Variants in TTC7B observed in about 807,000 individuals in gnomAD.
TTC7B encodes the protein tetratricopeptide repeat protein 7B.
Under a neutral mutation model 106.8 loss-of-function variants are expected in TTC7B, and 28 were observed. That is an observed-to-expected ratio of 0.26 (90% CI 0.19 to 0.36). The LOEUF (loss-of-function observed/expected upper bound fraction) is 0.36. Among genes scored for constraint, TTC7B ranks in the 10% least tolerant of loss-of-function variants. The probability of loss-of-function intolerance (pLI) is 1.00; values close to 1 mark genes in which losing one functional copy is unlikely to be tolerated. For synonymous variants in TTC7B, 405 were observed against 430.6 expected (o/e 0.94, Z 0.74); for missense variants, 862 against 1,076.4 (o/e 0.80, Z 2.79).
At chr14:90,780,147 T>C (rs1163053791) in intron 3 of TTC7B, among the ~76,000 whole-genome samples, 1 of 152,104 alleles carries the variant, frequency 6.6e-6, no homozygotes, top group Non-Finnish European at 1.5e-5. Flanking sequence ...TTTGGGAGGC[T>C]GAGGTGGGCG....
chr14:90,556,971 C>T (rs1890337009), intron 19 of TTC7B, among the ~76,000 whole-genome samples: 1 of 152,180 alleles, frequency 6.6e-6, no homozygotes, highest in Non-Finnish European at 1.5e-5. Context: ...AAGCGTCAGA[C>T]CTGGAAGTGT....
chr14:90,646,875 C>T, intron 14 of TTC7B, 76 bp downstream of exon 14: 1 of 1,350,688 alleles, frequency 7.4e-7, no homozygotes, highest in Non-Finnish European at 1.1e-6. Flanking sequence ...TCACCTACCA[C>T]TTCAAACTGA....
At chr14:90,793,515 A>C (rs1339920750) in intron 1 of TTC7B, among the ~76,000 whole-genome samples, 29 of 102,152 alleles carry the variant, frequency 2.8e-4, no homozygotes, top group African/African-American at 8.1e-4. Flanking sequence ...AAAGAGCAAG[A>C]CTCTGTCTCA....
intron 5 of TTC7B, among the ~76,000 whole-genome samples, chr14:90,723,965 GA>G (rs1888991211): frequency 1.3e-5 from 2 of 152,110 alleles, no homozygotes; most frequent in African/African-American, 4.8e-5. Flanking sequence ...AGCTTTATAG[GA>G]ACATCCCCAG....
At chr14:90,815,976 C>A (rs2140070134) in intron 1 of TTC7B, among the ~76,000 whole-genome samples, 199 bp downstream of exon 1, 1 of 151,728 alleles carries the variant, frequency 6.6e-6, no homozygotes, top group South Asian at 2.1e-4. Context: ...CTGGCGCCCC[C>A]CCGGGCCCCC....
At chr14:90,660,411 AAAAAAAAAAAGAAAAG>A (rs1193478137) in intron 9 of TTC7B, among the ~76,000 whole-genome samples, 6 of 149,980 alleles carry the variant, frequency 4.0e-5, no homozygotes, top group African/African-American at 7.3e-5. Flanking sequence ...AAAAAAAAAA[AAAAAAAAAAAGAAAAG>A]AAAAGAAAAG....
At chr14:90,730,282 C>T in intron 4 of TTC7B, 86 bp from the exon 5 acceptor site, 3 of 1,474,356 alleles carry the variant, frequency 2.0e-6, no homozygotes, top group Non-Finnish European at 2.7e-6. Flanking sequence ...TACTGCTCGA[C>T]CTAAAAAACC....
At chr14:90,701,969 C>T (rs758724434) in intron 5 of TTC7B, among the ~76,000 whole-genome samples, 1 of 152,052 alleles carries the variant, frequency 6.6e-6, no homozygotes, top group Non-Finnish European at 1.5e-5. Flanking sequence ...TCCAAACACA[C>T]TTGGACTCCT....
intron 5 of TTC7B, among the ~76,000 whole-genome samples, chr14:90,715,020 G>C (rs1237390716): frequency 6.6e-6 from 1 of 152,268 alleles, no homozygotes; most frequent in South Asian, 2.1e-4. Flanking sequence ...TCAGTTTCAA[G>C]TCATCAGAAG....
rs547567806 is a variant in TTC7B, at chr14:90,785,517, G to A, written c.276+657C>T. Reference sequence around the variant, plus strand: ...CCTGGGAGGCAGAAGGGCAGGGCGGGAAGAGGAGATGACCCCCATGAAAAG... The same window carrying A: ...CCTGGGAGGCAGAAGGGCAGGGCGGAAAGAGGAGATGACCCCCATGAAAAG... On this transcript the variant is annotated intron_variant, in intron 2 of 19. Coordinates refer to ENST00000328459, the MANE Select transcript of TTC7B (RefSeq NM_001010854.2). Among the ~76,000 whole-genome samples the A allele has an allele frequency of 1.1e-4, 17 of 152,238 alleles. No homozygotes were observed. The East Asian group carries it at 2.7e-3, about 24-fold the overall frequency.
chr14:90,556,764 C>T lies in TTC7B; in HGVS notation c.2311-15175G>A, dbSNP rs55732181. Among the ~76,000 whole-genome samples the T allele has an allele frequency of 1.2e-3, 177 of 152,264 alleles. 2 individuals are homozygous for T. Among genetic ancestry groups the T allele is most frequent in the Non-Finnish European group, 1.8e-3 (121 of 68,010 alleles). The stretch of plus-strand genomic sequence containing the variant: ...GGCACTGTGCCCCAGGCCATGTGCG[C>T]CAGGCCAGGGAGATGCAGGCATCAG... On this transcript the variant is annotated intron_variant, in intron 19 of 19. Transcript: ENST00000328459.
chr14:90,753,855 C>A (rs1315488836), intron 3 of TTC7B, among the ~76,000 whole-genome samples: 1 of 152,240 alleles, frequency 6.6e-6, no homozygotes, highest in Non-Finnish European at 1.5e-5. Context: ...TTGGATTAGA[C>A]ATTCCCCTGC....
intron 1 of TTC7B, among the ~76,000 whole-genome samples, chr14:90,812,429 C>T (rs2030947197): frequency 6.6e-6 from 1 of 152,198 alleles, no homozygotes; most frequent in Non-Finnish European, 1.5e-5. Flanking sequence ...GCTGCCTCAG[C>T]TCCAAGCCAG....
intron 5 of TTC7B, among the ~76,000 whole-genome samples, chr14:90,701,327 G>A (rs948469449): frequency 6.6e-6 from 1 of 152,174 alleles, no homozygotes; most frequent in African/African-American, 2.4e-5. Context: ...CAGCCGGCCA[G>A]GCAGCACACA....
In TTC7B at chr14:90,577,730, TG is replaced by T. The variant is rs1891315000; in HGVS notation, c.2310+375del. On this transcript the variant is annotated intron_variant, in intron 19 of 19. Coordinates refer to ENST00000328459, the MANE Select transcript of TTC7B (RefSeq NM_001010854.2). The surrounding 1 kb of genome is among the most constrained non-coding windows in gnomAD (Gnocchi z 5.0). ...CTGTCATCCTGAAGTCTCCCCGGGATGTGGAAACCCCCGAAGGTGGCTACTG... is the reference window on the plus strand; with the variant it reads ...CTGTCATCCTGAAGTCTCCCCGGGATTGGAAACCCCCGAAGGTGGCTACTG... Among the ~76,000 whole-genome samples, 1 of 152,190 alleles carries T rather than the reference TG, an allele frequency of 6.6e-6. No individual in the cohort carries two copies.
At chr14:90,694,363 A>G (rs1887591684) in intron 6 of TTC7B, among the ~76,000 whole-genome samples, 1 of 152,162 alleles carries the variant, frequency 6.6e-6, no homozygotes, top group Admixed American at 6.5e-5. Flanking sequence ...GAAAATGGGG[A>G]TTGACTACTA....
intron 19 of TTC7B, among the ~76,000 whole-genome samples, chr14:90,560,801 G>GTGGGGGCTGC (rs1314233805): frequency 6.6e-6 from 1 of 152,234 alleles, no homozygotes; most frequent in Non-Finnish European, 1.5e-5. Flanking sequence ...AGGGTAGCTG[G>GTGGGGGCTGC]TGGGGGCTGC....
intron 16 of TTC7B, among the ~76,000 whole-genome samples, chr14:90,616,015 T>C (rs1893058574): frequency 6.6e-6 from 1 of 152,208 alleles, no homozygotes; most frequent in African/African-American, 2.4e-5. Context: ...TGGTTAAGTA[T>C]TTTTAAAAAG....
chr14:90,707,037 T>G (rs2139961879), intron 5 of TTC7B, among the ~76,000 whole-genome samples: 1 of 152,362 alleles, frequency 6.6e-6, no homozygotes, highest in South Asian at 2.1e-4. Context: ...CTATCTTAAA[T>G]CTGCTTTTTC....
Sources: allele counts gnomAD v4.1 joint callset (sites outside exome capture counted in the v4.1 genomes callset), GRCh38; gene constraint gnomAD v4.1.1; non-coding constraint Gnocchi (gnomAD v3.1); transcripts MANE v1.5; gene names NCBI Gene and HGNC (gene_info 2026-07-23, HGNC 2026-07-21).